The following KIT variants were observed in gnomAD, a reference collection of about 807,000 sequenced individuals.
KIT encodes the protein mast/stem cell growth factor receptor Kit.
KIT carries 16 observed loss-of-function variants against 105.7 expected under a neutral mutation model. That is an observed-to-expected ratio of 0.15 (90% CI 0.10 to 0.23). KIT has a LOEUF of 0.23. Among genes scored for constraint, KIT ranks in the 10% least tolerant of loss-of-function variants. The probability of loss-of-function intolerance (pLI) is 1.00; values close to 1 mark genes in which losing one functional copy is unlikely to be tolerated. For missense variants in KIT, 858 were observed against 1,213.8 expected (o/e 0.71, Z 4.36); for synonymous variants, 438 against 441.1 (o/e 0.99, Z 0.09).
At chr4:54,679,004 G>A (rs1004840046) in intron 1 of KIT, among the ~76,000 whole-genome samples, 8 of 150,734 alleles carry the variant, frequency 5.3e-5, no homozygotes, top group African/African-American at 1.7e-4. Flanking sequence ...ATTATTCTAT[G>A]AGAAACACTG....
At chr4:54,673,972 T>C (rs1294548441) in intron 1 of KIT, among the ~76,000 whole-genome samples, 1 of 152,206 alleles carries the variant, frequency 6.6e-6, no homozygotes, top group East Asian at 1.9e-4. Context: ...GGTTTCACCA[T>C]GTTGGCCAGA....
At chr4:54,702,547 AT>A (rs1720522681) in intron 4 of KIT, among the ~76,000 whole-genome samples, 1 of 152,024 alleles carries the variant, frequency 6.6e-6, no homozygotes. Context: ...TCCCCTATGC[AT>A]ATGTATTATC....
At chr4:54,723,734 G>GTCCTTCCCCTCTGCATTAT in intron 8 of KIT, 36 bp downstream of exon 8, 4 of 1,178,162 alleles carry the variant, frequency 3.4e-6, no homozygotes, top group African/African-American at 1.5e-5. Flanking sequence ...TTATAATGCA[G>GTCCTTCCCCTCTGCATTAT]AGGGGAAGGA....
At chr4:54,733,241 C>A (rs201112416) in intron 17 of KIT, 49 bp downstream of exon 17, 35 of 1,593,336 alleles carry the variant, frequency 2.2e-5, no homozygotes, top group Non-Finnish European at 2.9e-5. Flanking sequence ...TTTTTAGTTT[C>A]AACTTTCGAT....
chr4:54,728,670 A>G (rs1178410696), intron 13 of KIT, among the ~76,000 whole-genome samples: 1 of 152,196 alleles, frequency 6.6e-6, no homozygotes, highest in East Asian at 1.9e-4. Context: ...GTTTCTGGAG[A>G]TCCACGATAA....
chr4:54,689,712 A>G (rs11721352), intron 1 of KIT, among the ~76,000 whole-genome samples: 8,201 of 152,292 alleles, frequency 0.054, 314 homozygotes, highest in Non-Finnish European at 0.081. Context: ...TAATTGCAGT[A>G]AAATACATGT....
At chr4:54,702,343 T>A (rs908063183) in intron 4 of KIT, among the ~76,000 whole-genome samples, 1 of 152,132 alleles carries the variant, frequency 6.6e-6, no homozygotes, top group Admixed American at 6.5e-5. Context: ...TATTATTTCA[T>A]AATGTAATTA....
intron 4 of KIT, among the ~76,000 whole-genome samples, chr4:54,703,187 C>T (rs192134369): frequency 6.6e-6 from 1 of 152,230 alleles, no homozygotes; most frequent in Non-Finnish European, 1.5e-5. Context: ...CTTGGAACTC[C>T]CTTCAGTAGT....
At chr4:54,682,488 G>A (rs567189194) in intron 1 of KIT, among the ~76,000 whole-genome samples, 2 of 151,788 alleles carry the variant, frequency 1.3e-5, no homozygotes, top group Non-Finnish European at 2.9e-5. Context: ...GAGTGAAGTG[G>A]CACAGTCTTG....
At chr4:54,680,888 G>A (rs1030637030) in intron 1 of KIT, among the ~76,000 whole-genome samples, 1 of 152,130 alleles carries the variant, frequency 6.6e-6, no homozygotes, top group South Asian at 2.1e-4. Flanking sequence ...AGGTCCTCCT[G>A]CAGGATCTTG....
intron 1 of KIT, among the ~76,000 whole-genome samples, chr4:54,689,927 A>G (rs1344126951): frequency 6.6e-6 from 1 of 152,136 alleles, no homozygotes; most frequent in Non-Finnish European, 1.5e-5. Flanking sequence ...GTCTCTGTGA[A>G]TTAGCCTATC....
At chr4:54,672,715 C>T (rs569989928) in intron 1 of KIT, among the ~76,000 whole-genome samples, 1 of 152,266 alleles carries the variant, frequency 6.6e-6, no homozygotes, top group Non-Finnish European at 1.5e-5. Context: ...ACTCTGCTGT[C>T]TCCCTTGTTA....
chr4:54,710,497 A>C (rs1019038744), intron 7 of KIT, among the ~76,000 whole-genome samples: 16 of 152,170 alleles, frequency 1.1e-4, no homozygotes, highest in African/African-American at 3.9e-4. Flanking sequence ...GACTGGGGCC[A>C]ATTCCTTGTC....
At chr4:54,730,027 C>T in intron 14 of KIT, among the ~76,000 whole-genome samples, 1 of 152,192 alleles carries the variant, frequency 6.6e-6, no homozygotes. Flanking sequence ...GACATAACTA[C>T]TCCAGCACAT....
At chr4:54,695,871 GATA>G in intron 2 of KIT, 90 bp downstream of exon 2, 2 of 1,479,478 alleles carry the variant, frequency 1.4e-6, no homozygotes, top group Non-Finnish European at 9.4e-7. Flanking sequence ...CTGAGCCATA[GATA>G]AAATATTTCT....
chr4:54,729,750 A>C (rs751307753), intron 14 of KIT, among the ~76,000 whole-genome samples: 1 of 152,138 alleles, frequency 6.6e-6, no homozygotes, highest in African/African-American at 2.4e-5. Flanking sequence ...AATGCATTCT[A>C]TATCTGTTTC....
At chr4:54,675,686 C>T (rs1235043721) in intron 1 of KIT, among the ~76,000 whole-genome samples, 2 of 152,180 alleles carry the variant, frequency 1.3e-5, no homozygotes, top group African/African-American at 4.8e-5. Context: ...TGGTATCTGA[C>T]TACTCACCAA....
At chr4:54,697,635 T>C (rs749139731) in intron 2 of KIT, among the ~76,000 whole-genome samples, 2 of 152,180 alleles carry the variant, frequency 1.3e-5, no homozygotes, top group Non-Finnish European at 2.9e-5. Context: ...GCATTTGAAA[T>C]TATTTGATTT....
In KIT at chr4:54,738,980, G is replaced by T; in HGVS notation, c.*423G>T. 2.0e-6 allele frequency: 1 copy of T among 502,186 alleles called. No homozygotes were observed. The highest frequency in any genetic ancestry group is 3.5e-6 in the Non-Finnish European group (1 of 288,140). 31.1% of individuals were successfully genotyped at this position (502,186 alleles called of 1,614,324 possible). A position where few individuals can be genotyped will look rare whatever the true frequency, so the allele number is the denominator to read the frequency against. ...ACAAGATTAGAAGCTGAAAACCTAAGTCCTTTATGTGGAAAACAGAACATC... is the reference window on the plus strand; with the variant it reads ...ACAAGATTAGAAGCTGAAAACCTAATTCCTTTATGTGGAAAACAGAACATC... On this transcript the variant is annotated 3_prime_UTR_variant, in exon 21 of 21. Coordinates refer to ENST00000288135, the MANE Select transcript of KIT (RefSeq NM_000222.3).
Sources: allele counts gnomAD v4.1 joint callset (sites outside exome capture counted in the v4.1 genomes callset), GRCh38; gene constraint gnomAD v4.1.1; transcripts MANE v1.5; gene names NCBI Gene and HGNC (gene_info 2026-07-23, HGNC 2026-07-21).